Variants in CADM2 observed in about 807,000 individuals in gnomAD.
CADM2 encodes cell adhesion molecule 2, also known as immunoglobulin superfamily member 4D.
In CADM2, 12 loss-of-function variants were observed where a neutral mutation model predicts 49.8. The observed-to-expected ratio is 0.24, with a 90% CI of 0.15 to 0.39. The LOEUF (loss-of-function observed/expected upper bound fraction) is 0.39. Ranked by LOEUF, CADM2 falls within the 10% of genes least tolerant of loss-of-function variation. The pLI is 1.00. For missense variants in CADM2, 378 were observed against 492.3 expected (o/e 0.77, Z 2.20); for synonymous variants, 214 against 175.4 (o/e 1.22, Z -1.74).
chr3:85,937,232 T>G (rs945048241), intron 7 of CADM2, among the ~76,000 whole-genome samples: 1 of 151,868 alleles, frequency 6.6e-6, no homozygotes, highest in African/African-American at 2.4e-5. Flanking sequence ...TCTTTTCAGT[T>G]ACCTAGAAAT....
intron 2 of CADM2, among the ~76,000 whole-genome samples, chr3:85,788,710 A>G (rs2071151935): frequency 6.6e-6 from 1 of 152,028 alleles, no homozygotes; most frequent in Non-Finnish European, 1.5e-5. Flanking sequence ...AGGAAAAACC[A>G]GCATGAAAAC....
intron 1 of CADM2, among the ~76,000 whole-genome samples, chr3:85,616,086 G>A (rs1355271316): frequency 1.3e-5 from 2 of 151,750 alleles, no homozygotes; most frequent in East Asian, 1.9e-4. Context: ...AAAGAGCCTC[G>A]AGGTAAGCTG....
chr3:85,057,711 A>G (rs1048256319), intron 1 of CADM2, among the ~76,000 whole-genome samples: 1 of 152,174 alleles, frequency 6.6e-6, no homozygotes, highest in African/African-American at 2.4e-5. Flanking sequence ...TCTAATCAAA[A>G]ACAAACTAGA....
At chr3:85,674,583 G>C (rs2065839827) in intron 1 of CADM2, among the ~76,000 whole-genome samples, 1 of 152,044 alleles carries the variant, frequency 6.6e-6, no homozygotes, top group Non-Finnish European at 1.5e-5. Flanking sequence ...TTTAGTTTTT[G>C]AAATATTAAA....
chr3:85,251,074 A>T (rs1461565614), intron 1 of CADM2, among the ~76,000 whole-genome samples: 4 of 151,706 alleles, frequency 2.6e-5, no homozygotes, highest in Non-Finnish European at 5.9e-5. Context: ...ATTTATTTTG[A>T]TCTATAATAT....
chr3:85,907,985 C>A (rs955880780), intron 5 of CADM2, among the ~76,000 whole-genome samples: 3 of 151,572 alleles, frequency 2.0e-5, no homozygotes, highest in Non-Finnish European at 2.9e-5. Context: ...GTGGAGAAAG[C>A]AAATAAACCA....
At chr3:86,066,515 A>G in intron 9 of CADM2, 150 bp from the exon 10 acceptor site, 1 of 639,922 alleles carries the variant, frequency 1.6e-6, no homozygotes. Flanking sequence ...TGAAAACTGT[A>G]AGAAAACAGT....
intron 1 of CADM2, among the ~76,000 whole-genome samples, chr3:85,504,299 A>G (rs1003236975): frequency 5.9e-5 from 9 of 152,110 alleles, no homozygotes; most frequent in African/African-American, 2.2e-4. Context: ...CGCTGGCTTC[A>G]GGAGTGAAGC....
At chr3:85,366,340 G>A (rs2032782644) in intron 1 of CADM2, among the ~76,000 whole-genome samples, 4 of 152,104 alleles carry the variant, frequency 2.6e-5, no homozygotes, top group Admixed American at 2.0e-4. Context: ...ACACACCTGC[G>A]GAGATTTTGG....
At chr3:85,207,959 A>C (rs1224483840) in intron 1 of CADM2, among the ~76,000 whole-genome samples, 1 of 152,160 alleles carries the variant, frequency 6.6e-6, no homozygotes, top group African/African-American at 2.4e-5. Context: ...AGTTAGATAC[A>C]TGTATAAATC....
chr3:85,567,434 G>C (rs1044687610), intron 1 of CADM2, among the ~76,000 whole-genome samples: 1 of 152,066 alleles, frequency 6.6e-6, no homozygotes, highest in Non-Finnish European at 1.5e-5. Flanking sequence ...GTTTGTAATA[G>C]AGCACAGGCA....
intron 6 of CADM2, among the ~76,000 whole-genome samples, chr3:85,928,840 A>T (rs1481208238): frequency 6.6e-6 from 1 of 152,126 alleles, no homozygotes; most frequent in East Asian, 1.9e-4. Flanking sequence ...TAAGCATGAG[A>T]TATAAGGACA....
intron 1 of CADM2, among the ~76,000 whole-genome samples, chr3:84,987,862 C>G (rs17734184): frequency 0.09 from 13,713 of 152,230 alleles, 831 homozygotes; most frequent in Non-Finnish European, 0.14. Flanking sequence ...TGGGATGCAT[C>G]TGTTTTCCTA....
chr3:85,701,001 T>C (rs1183478112), intron 1 of CADM2, among the ~76,000 whole-genome samples: 2 of 152,194 alleles, frequency 1.3e-5, no homozygotes, highest in Non-Finnish European at 2.9e-5. Context: ...AAATATTACC[T>C]GAGACTGAGT....
At chr3:84,990,505 T>A (rs892515277) in intron 1 of CADM2, among the ~76,000 whole-genome samples, 6 of 151,964 alleles carry the variant, frequency 3.9e-5, no homozygotes, top group African/African-American at 1.4e-4. Context: ...AATTTTAATT[T>A]ATTTAGTCCT....
At chr3:85,546,201 C>T (rs2061667563) in intron 1 of CADM2, among the ~76,000 whole-genome samples, 1 of 152,150 alleles carries the variant, frequency 6.6e-6, no homozygotes, top group Non-Finnish European at 1.5e-5. Context: ...AATTCTAGCA[C>T]CATGCTGGGC....
At chr3:85,914,328 T>C (rs34420989) in intron 6 of CADM2, among the ~76,000 whole-genome samples, 48,371 of 151,880 alleles carry the variant, frequency 0.32, 8,885 homozygotes, top group East Asian at 0.42. Flanking sequence ...CCTGTGAGGA[T>C]GTGATGATAG....
At chr3:85,907,731 C>T (rs1053020598) in intron 5 of CADM2, among the ~76,000 whole-genome samples, 1 of 151,834 alleles carries the variant, frequency 6.6e-6, no homozygotes. Flanking sequence ...ACCAAAGTGG[C>T]GAAACTCCGT....
At chr3:85,407,684 G>A (rs752695818) in intron 1 of CADM2, among the ~76,000 whole-genome samples, 4 of 152,112 alleles carry the variant, frequency 2.6e-5, no homozygotes, top group Non-Finnish European at 5.9e-5. Context: ...AGATTGTGAA[G>A]AATTAATGAG....
Sources: allele counts gnomAD v4.1 joint callset (sites outside exome capture counted in the v4.1 genomes callset), GRCh38; gene constraint gnomAD v4.1.1; transcripts MANE v1.5; gene names NCBI Gene and HGNC (gene_info 2026-07-23, HGNC 2026-07-21).